VAV1: variants seen among roughly 807,000 people sequenced by gnomAD.
VAV1 encodes the protein vav guanine nucleotide exchange factor 1, also known as proto-oncogene vav.
Under a neutral mutation model 128.1 loss-of-function variants are expected in VAV1, and 33 were observed. That is an observed-to-expected ratio of 0.26 (90% CI 0.20 to 0.34). VAV1 has a LOEUF of 0.34. Among genes scored for constraint, VAV1 ranks in the 10% least tolerant of loss-of-function variants. The pLI, the probability that VAV1 is intolerant of heterozygous loss-of-function variation, is 1.00. For missense variants in VAV1, 715 were observed against 1,093.7 expected (o/e 0.65, Z 4.88); for synonymous variants, 394 against 409.8 (o/e 0.96, Z 0.47).
intron 1 of VAV1, among the ~76,000 whole-genome samples, chr19:6,797,048 G>A (rs896126489): frequency 7.2e-5 from 11 of 151,836 alleles, no homozygotes; most frequent in African/African-American, 1.7e-4. Context: ...CCCAGCCAAC[G>A]TGACAAAACC....
At chr19:6,776,917 C>G (rs1970655792) in intron 1 of VAV1, among the ~76,000 whole-genome samples, 1 of 152,072 alleles carries the variant, frequency 6.6e-6, no homozygotes, top group African/African-American at 2.4e-5. Flanking sequence ...GCCACCACGC[C>G]CGGCTAATTT....
chr19:6,806,589 A>G (rs944625825), intron 1 of VAV1, among the ~76,000 whole-genome samples: 1 of 152,172 alleles, frequency 6.6e-6, no homozygotes, highest in African/African-American at 2.4e-5. Context: ...GTTGCTCCAG[A>G]CCGCCTAACC....
At chr19:6,782,564 G>A (rs528822766) in intron 1 of VAV1, among the ~76,000 whole-genome samples, 3 of 152,082 alleles carry the variant, frequency 2.0e-5, no homozygotes, top group South Asian at 4.1e-4. Context: ...GTCAGGGTAC[G>A]TATGTTAACT....
intron 18 of VAV1, 80 bp from the exon 19 acceptor site, chr19:6,833,828 G>C: frequency 6.2e-7 from 1 of 1,613,756 alleles, no homozygotes. Flanking sequence ...AGGATCCTTT[G>C]TGGGGTGAGG....
chr19:6,848,736 T>A (rs1972589857), intron 23 of VAV1, among the ~76,000 whole-genome samples: 1 of 151,674 alleles, frequency 6.6e-6, no homozygotes, highest in Non-Finnish European at 1.5e-5. Context: ...TTTTCATATA[T>A]ATGTTTTTTC....
At chr19:6,779,867 T>G (rs1251811012) in intron 1 of VAV1, among the ~76,000 whole-genome samples, 1 of 149,660 alleles carries the variant, frequency 6.7e-6, no homozygotes, top group Non-Finnish European at 1.5e-5. Context: ...ATTCCAGCAC[T>G]TTGGGAGGCC....
intron 8 of VAV1, 125 bp downstream of exon 8, chr19:6,825,531 G>A (rs746664454): frequency 1.5e-5 from 11 of 752,924 alleles, no homozygotes; most frequent in Non-Finnish European, 2.2e-5. Context: ...GTTCATGGGC[G>A]AGGGGCTGCC....
intron 24 of VAV1, among the ~76,000 whole-genome samples, chr19:6,852,116 C>T (rs970462400): frequency 4.6e-5 from 7 of 152,126 alleles, no homozygotes; most frequent in Admixed American, 2.0e-4. Flanking sequence ...TGGGCTCAGG[C>T]GATCCTCCCT....
intron 1 of VAV1, among the ~76,000 whole-genome samples, chr19:6,791,928 T>G: frequency 6.7e-6 from 1 of 148,714 alleles, no homozygotes; most frequent in Non-Finnish European, 1.5e-5. Context: ...AGGAAGGGAG[T>G]GAGTGGAGGG....
intron 1 of VAV1, among the ~76,000 whole-genome samples, chr19:6,814,667 C>CCTTTCTTTCTTTCTTTCTTTCTTT (rs1163692104): frequency 4.0e-5 from 1 of 25,100 alleles, no homozygotes; most frequent in Non-Finnish European, 7.0e-5. Flanking sequence ...TTCCTTCCTT[C>CCTTTCTTTCTTTCTTTCTTTCTTT]CTTCCTTTCT....
In VAV1 at chr19:6,809,501, C is replaced by T. The variant is rs1032047713; in HGVS notation, c.205-11201C>T. On this transcript the variant is annotated intron_variant, in intron 1 of 26. Transcript: ENST00000602142. ...GAGACAGTAAAATAGGTGCATTTAG[C>T]GTGTGGCAACCACTTCCACCTGGCT... is the stretch of plus-strand genomic sequence containing the variant. 5.9e-5 allele frequency among the ~76,000 whole-genome samples: 9 copies of T among 152,164 alleles called. No individual in the cohort carries two copies. In the East Asian group the frequency reaches 1.5e-3, roughly 26 times the overall value.
Position 6,821,849 on chromosome 19 carries a change from G to T in VAV1, c.439G>T (p.Asp147Tyr). 1 of 1,614,132 alleles carries T rather than the reference G, an allele frequency of 6.2e-7. No homozygotes were observed. Among genetic ancestry groups the T allele is most frequent in the Non-Finnish European group, 8.5e-7 (1 of 1,180,010 alleles). Residue 147 changes from aspartate (D) to tyrosine (Y), a missense_variant, in exon 4 of 27, where the codon GAC becomes TAC. By Grantham distance (160) the Asp-to-Tyr change is radical. Around this residue, in one of 3 missense-constraint regions of VAV1, gnomAD observed 302 missense variants for 477.8 expected, o/e 0.63. Coordinates refer to ENST00000602142, the MANE Select transcript of VAV1 (RefSeq NM_005428.4). The stretch of plus-strand genomic sequence containing the variant: ...TGAAGACATCTACAGTGGCCTGTCC[G>T]ACCAGATCGAGTGAGTGCTCAGGCC... Reference protein sequence around the residue: ...GDEDIYSGLSDQIDDTVEEDE... With the variant: ...GDEDIYSGLSYQIDDTVEEDE...
At chr19:6,776,159 CCCAT>C (rs56714339) in intron 1 of VAV1, among the ~76,000 whole-genome samples, 61,530 of 129,882 alleles carry the variant, frequency 0.47, 14,746 homozygotes, top group East Asian at 0.62. Context: ...CATCTATCCA[CCCAT>C]CCATCCATCC....
chr19:6,809,080 T>C (rs1210324272), intron 1 of VAV1, among the ~76,000 whole-genome samples: 1 of 3,278 alleles, frequency 3.1e-4, no homozygotes, highest in Non-Finnish European at 1.1e-3. Flanking sequence ...TACCTCTCTT[T>C]TTTTTTTTTT....
At chr19:6,833,989 G>A (rs1303813612) in intron 19 of VAV1, 36 bp downstream of exon 19, 7 of 1,613,600 alleles carry the variant, frequency 4.3e-6, no homozygotes, top group Non-Finnish European at 5.1e-6. Context: ...GGGGCAGGAG[G>A]AAAATTCATC....
chr19:6,827,259 GTTTGTTTTGTTTTGT>G (rs533535715), intron 9 of VAV1, among the ~76,000 whole-genome samples: 5 of 151,768 alleles, frequency 3.3e-5, no homozygotes, highest in African/African-American at 1.2e-4. Flanking sequence ...TTGTTTGTTT[GTTTGTTTTGTTTTGT>G]TTTGTTTTTT....
intron 23 of VAV1, among the ~76,000 whole-genome samples, chr19:6,848,538 G>T (rs1972583272): frequency 6.6e-6 from 1 of 151,342 alleles, no homozygotes; most frequent in Non-Finnish European, 1.5e-5. Context: ...GAGTAGCTGG[G>T]ATTACAGGCG....
At chr19:6,798,666 C>CCT (rs1555699519) in intron 1 of VAV1, among the ~76,000 whole-genome samples, 1 of 151,472 alleles carries the variant, frequency 6.6e-6, no homozygotes, top group Non-Finnish European at 1.5e-5. Flanking sequence ...CCTTCCCCCC[C>CCT]CCACCCAAAA....
chr19:6,775,333 G>A (rs920069872), intron 1 of VAV1, among the ~76,000 whole-genome samples: 2 of 152,224 alleles, frequency 1.3e-5, no homozygotes, highest in African/African-American at 2.4e-5. Flanking sequence ...ATAGACTTAA[G>A]GATGAACTTC....
Sources: allele counts gnomAD v4.1 joint callset (sites outside exome capture counted in the v4.1 genomes callset), GRCh38; gene constraint gnomAD v4.1.1; regional missense constraint gnomAD v4.1.1; transcripts MANE v1.5; gene names NCBI Gene and HGNC (gene_info 2026-07-23, HGNC 2026-07-21).